Variants in FBXL13 observed in about 807,000 individuals in gnomAD.
FBXL13 encodes the protein F-box and leucine-rich repeat protein 13.
A neutral mutation model predicts 83.6 loss-of-function variants in FBXL13; 67 were observed. That is an observed-to-expected ratio of 0.80 (90% CI 0.66 to 0.98). FBXL13 has a LOEUF of 0.98. Among genes scored for constraint, FBXL13 ranks in the 50% least tolerant of loss-of-function variants. The pLI is 0.00. For missense variants in FBXL13, 822 were observed against 866.5 expected, an observed-to-expected ratio of 0.95 and a Z score of 0.64; for synonymous variants, 272 against 299.5, an observed-to-expected ratio of 0.91 and a Z score of 0.95.
At chr7:102,937,706 T>G (rs1014390454) in intron 8 of FBXL13, among the ~76,000 whole-genome samples, 1 of 152,190 alleles carries the variant, frequency 6.6e-6, no homozygotes, top group Non-Finnish European at 1.5e-5. Context: ...CACAGAGCCA[T>G]GTGCTTTAGA....
intron 8 of FBXL13, among the ~76,000 whole-genome samples, chr7:102,940,680 G>A (rs960779670): frequency 6.6e-6 from 1 of 152,166 alleles, no homozygotes; most frequent in African/African-American, 2.4e-5. Context: ...TCTAGATCAA[G>A]ACCAATTCTC....
chr7:102,916,188 T>G (rs576603359), intron 10 of FBXL13, among the ~76,000 whole-genome samples: 1 of 152,272 alleles, frequency 6.6e-6, no homozygotes, highest in East Asian at 1.9e-4. Flanking sequence ...GGTTTTACCA[T>G]GTTGGCCAGA....
intron 6 of FBXL13, among the ~76,000 whole-genome samples, chr7:103,010,801 CAGA>C (rs1409738550): frequency 6.6e-6 from 1 of 152,166 alleles, no homozygotes; most frequent in Non-Finnish European, 1.5e-5. Context: ...AGCACACAGA[CAGA>C]AGATTAGGGC....
chr7:102,955,495 C>G (rs1452709396), intron 8 of FBXL13, among the ~76,000 whole-genome samples: 1 of 150,860 alleles, frequency 6.6e-6, no homozygotes, highest in Non-Finnish European at 1.5e-5. Context: ...GAAGCAAGAG[C>G]AAATTCAAAA....
chr7:102,924,641 C>CTTTTTTT (rs71106699), intron 10 of FBXL13, among the ~76,000 whole-genome samples: 4 of 121,030 alleles, frequency 3.3e-5, no homozygotes, highest in Admixed American at 1.9e-4. Flanking sequence ...GTAAGCTTTT[C>CTTTTTTT]TTTTTTTTTT....
At chr7:103,007,508 T>C (rs1311567913) in intron 6 of FBXL13, among the ~76,000 whole-genome samples, 1 of 152,106 alleles carries the variant, frequency 6.6e-6, no homozygotes, top group Non-Finnish European at 1.5e-5. Flanking sequence ...GGCAAAATGC[T>C]TTTTCAGAAA....
intron 16 of FBXL13, among the ~76,000 whole-genome samples, chr7:102,858,565 C>G (rs986973199): frequency 6.6e-6 from 1 of 151,758 alleles, no homozygotes; most frequent in Non-Finnish European, 1.5e-5. Flanking sequence ...TATGTGTCAA[C>G]TAAAAATAAA....
intron 11 of FBXL13, among the ~76,000 whole-genome samples, chr7:102,899,995 C>T (rs1343838676): frequency 1.3e-5 from 2 of 151,684 alleles, no homozygotes; most frequent in Admixed American, 6.6e-5. Flanking sequence ...TGCAGTGAAC[C>T]GAGATCACAC....
intron 11 of FBXL13, among the ~76,000 whole-genome samples, chr7:102,906,741 T>C (rs1324370970): frequency 6.6e-6 from 1 of 152,212 alleles, no homozygotes; most frequent in Non-Finnish European, 1.5e-5. Context: ...TTGTATGTTA[T>C]TTGTTTCTTT....
Position 102,966,084 on chromosome 7 carries a change from T to C in FBXL13, c.591+1938A>G, listed in dbSNP as rs573698467. ...ACGTCGCATCTGGACAACATCCCAT[T>C]CTTGGTTGCACTACTCTCACTCTGT... On this transcript the variant is annotated intron_variant, in intron 7 of 19. Transcript: ENST00000313221. 1.0e-3 allele frequency among the ~76,000 whole-genome samples: 153 copies of C among 152,330 alleles called. 2 individuals are homozygous for C. Among genetic ancestry groups the C allele is most frequent in the African/African-American group, 3.5e-3 (144 of 41,582 alleles).
chr7:102,947,339 C>T (rs1019601789), intron 8 of FBXL13, among the ~76,000 whole-genome samples: 1 of 152,108 alleles, frequency 6.6e-6, no homozygotes, highest in Non-Finnish European at 1.5e-5. Flanking sequence ...TTTTTAGAGG[C>T]TAGTTAGGGA....
At chr7:102,925,631 G>A (rs1434595193) in intron 10 of FBXL13, among the ~76,000 whole-genome samples, 1 of 152,010 alleles carries the variant, frequency 6.6e-6, no homozygotes, top group Non-Finnish European at 1.5e-5. Flanking sequence ...TTGGTAATCA[G>A]GATGTTGGCA....
chr7:102,934,761 C>T (rs772202297), intron 8 of FBXL13: 2 of 1,255,184 alleles, frequency 1.6e-6, no homozygotes, highest in Non-Finnish European at 2.2e-6. Flanking sequence ...CTCCCTACAT[C>T]CCACCATGTC....
intron 10 of FBXL13, among the ~76,000 whole-genome samples, chr7:102,919,424 T>C (rs1383063611): frequency 1.3e-5 from 2 of 152,166 alleles, no homozygotes; most frequent in East Asian, 3.8e-4. Context: ...CATTGAAGCA[T>C]TAAGAATAAA....
At chr7:103,028,568 C>T in intron 4 of FBXL13, 32 bp downstream of exon 5, 1 of 1,449,670 alleles carries the variant, frequency 6.9e-7, no homozygotes. Flanking sequence ...TAAATGGATA[C>T]AAAAAGTAAT....
rs377046838 is a variant in FBXL13, at chr7:102,953,552, G to A, written c.724+9981C>T. ...TAAGAAAAGAAAAAAAAGGGAGAAT[G>A]GGTATGAGCTTCCTCTTTGGGCTGA... On this transcript the variant is annotated intron_variant, in intron 8 of 19. Transcript: ENST00000313221. Among the ~76,000 whole-genome samples the A allele has an allele frequency of 2.0e-5, 3 of 152,148 alleles. No individual in the cohort carries two copies. In the East Asian group the frequency reaches 5.8e-4, roughly 29 times the overall value.
At chr7:102,912,933 A>G (rs1292204528) in intron 11 of FBXL13, 153 bp downstream of exon 12, 1 of 997,134 alleles carries the variant, frequency 1.0e-6, no homozygotes, top group Admixed American at 2.9e-5. Context: ...GATCCTGGGG[A>G]AAATTTCAGC....
At chr7:102,830,197 AAAC>A (rs1415692453) in intron 18 of FBXL13, among the ~76,000 whole-genome samples, 4 of 152,202 alleles carry the variant, frequency 2.6e-5, no homozygotes, top group Admixed American at 1.3e-4. Context: ...TCATAACAAA[AAAC>A]AAAAAACCAA....
chr7:103,035,897 C>A (rs1366213809), intron 2 of FBXL13, among the ~76,000 whole-genome samples: 3 of 152,124 alleles, frequency 2.0e-5, no homozygotes, highest in Non-Finnish European at 4.4e-5. Flanking sequence ...TCATTTATAT[C>A]CCACATAGTA....
Sources: gnomAD v4.1 joint callset for allele counts (sites outside exome capture counted in the v4.1 genomes callset) on GRCh38, gnomAD v4.1.1 for gene constraint, MANE v1.5 for transcripts, NCBI Gene and HGNC (gene_info 2026-07-23, HGNC 2026-07-21) for gene names.